Variants in GBX1 observed in about 807,000 individuals in gnomAD.
GBX1 encodes gastrulation brain homeobox 1, also known as homeobox protein GBX-1.
GBX1 carries 9 observed loss-of-function variants against 22.9 expected under a neutral mutation model. The observed-to-expected ratio is 0.39, with a 90% CI of 0.24 to 0.69. The LOEUF (loss-of-function observed/expected upper bound fraction) is 0.69, where lower values mean the gene tolerates loss of function less well. Ranked by LOEUF, GBX1 falls within the 30% of genes least tolerant of loss-of-function variation. The pLI is 0.43. For synonymous variants in GBX1, 203 were observed against 227.3 expected, an observed-to-expected ratio of 0.89 and a Z score of 0.96; for missense variants, 494 against 509.2, an observed-to-expected ratio of 0.97 and a Z score of 0.29.
Position 151,167,178 on chromosome 7 carries a change from G to A in GBX1, c.371C>T (p.Ala124Val). The A allele has an allele frequency of 6.3e-7, 1 of 1,578,236 alleles. No individual in the cohort carries two copies. Among genetic ancestry groups the A allele is most frequent in the African/African-American group, 1.4e-5 (1 of 72,806 alleles). The change falls in exon 1 of 2, where the codon GCC (alanine) becomes GTC (valine). Residue 124 changes from alanine to valine, a missense_variant. Around this residue, in one of 3 missense-constraint regions of GBX1, gnomAD observed 365 missense variants for 340.4 expected, o/e 1.07. Transcript: ENST00000297537. The surrounding 1 kb of genome is among the most constrained non-coding windows in gnomAD (Gnocchi z 5.9). ...AFYGPQELAAAAAAAAATAAR... is the reference protein window; with the variant it reads ...AFYGPQELAAVAAAAAATAAR... ...GGCAGTGGCGGCGGCGGCGGCAGCG[G>A]CGGCGGCGAGCTCCTGGGGCCCGTA... is the stretch of plus-strand genomic sequence containing the variant.
chr7:151,148,505 G>T lies in GBX1; in HGVS notation c.*84C>A. 1 of 1,308,590 alleles carries T rather than the reference G, an allele frequency of 7.6e-7. No homozygotes were observed. Among genetic ancestry groups the T allele is most frequent in the South Asian group, 1.5e-5 (1 of 68,956 alleles). The allele number at this position is 1,308,590 out of a possible 1,614,324, so 81.1% of individuals were successfully genotyped here. ...CTCTCAAGGCAGAATCACAGTTGCA[G>T]CCCCTCTGGTCCACAGAACCCTGAC... On this transcript the variant is annotated 3_prime_UTR_variant, in exon 2 of 2. Transcript: ENST00000297537. The surrounding 1 kb of genome is among the most constrained non-coding windows in gnomAD (Gnocchi z 5.1).
At chr7:151,161,459 G>T (rs913521735) in intron 1 of GBX1, among the ~76,000 whole-genome samples, 2 of 152,032 alleles carry the variant, frequency 1.3e-5, no homozygotes, top group African/African-American at 2.4e-5. Flanking sequence ...GATCCAGGGG[G>T]TTCTTCACCC....
At chr7:151,157,881 A>G (rs1205022894) in intron 1 of GBX1, among the ~76,000 whole-genome samples, 1 of 152,198 alleles carries the variant, frequency 6.6e-6, no homozygotes, top group East Asian at 1.9e-4. Context: ...GAATCCACTC[A>G]GGTCCTATAA....
At chr7:151,162,064 AGGT>A (rs1354131778) in intron 1 of GBX1, among the ~76,000 whole-genome samples, 1 of 152,270 alleles carries the variant, frequency 6.6e-6, no homozygotes, top group East Asian at 1.9e-4. Flanking sequence ...TGAGTGACAA[AGGT>A]GAGAATTGAA....
intron 1 of GBX1, among the ~76,000 whole-genome samples, chr7:151,158,405 T>C (rs1423198980): frequency 6.6e-6 from 1 of 152,118 alleles, no homozygotes; most frequent in Non-Finnish European, 1.5e-5. Context: ...ATGAAACATA[T>C]GAGGGAACAG....
intron 1 of GBX1, among the ~76,000 whole-genome samples, chr7:151,160,919 T>G (rs1801182433): frequency 6.6e-6 from 1 of 152,182 alleles, no homozygotes; most frequent in African/African-American, 2.4e-5. Flanking sequence ...GACACAAAGT[T>G]TCTTTCCTAC....
intron 1 of GBX1, chr7:151,149,866 G>A (rs1015687592): frequency 2.2e-6 from 1 of 453,420 alleles, no homozygotes; most frequent in African/African-American, 2.0e-5. Flanking sequence ...TAGGCCTCCT[G>A]ATCCCCTTTC....
intron 1 of GBX1, among the ~76,000 whole-genome samples, chr7:151,159,409 G>T (rs1801169065): frequency 6.6e-6 from 1 of 152,052 alleles, no homozygotes; most frequent in African/African-American, 2.4e-5. Context: ...ACAAGGTCTT[G>T]CTCTGTTGTG....
chr7:151,167,161 C>G lies in GBX1; in HGVS notation c.388G>C (p.Ala130Pro). ...ELAAAAAAAAATAARNNPEPG... is the reference protein window; with the variant it reads ...ELAAAAAAAAPTAARNNPEPG... The stretch of plus-strand genomic sequence containing the variant: ...TCGGGGTTGTTTCGGGCGGCAGTGG[C>G]GGCGGCGGCGGCAGCGGCGGCGGCG... The change falls in exon 1 of 2, where the codon GCC becomes CCC. Residue 130 changes from alanine (A) to proline (P), a missense_variant. Around this residue, in one of 3 missense-constraint regions of GBX1, gnomAD observed 365 missense variants for 340.4 expected, o/e 1.07. Transcript: ENST00000297537. This position sits in a 1 kb window ranked among gnomAD's most constrained non-coding sequence, Gnocchi z 5.9. 1 of 1,546,800 alleles carries G rather than the reference C, an allele frequency of 6.5e-7. No individual in the cohort carries two copies. Among genetic ancestry groups the G allele is most frequent in the Non-Finnish European group, 8.8e-7 (1 of 1,141,242 alleles).
Position 151,167,356 on chromosome 7 carries a change from G to C in GBX1, c.193C>G (p.Pro65Ala). 6.6e-7 allele frequency: 1 copy of C among 1,509,722 alleles called. No individual in the cohort carries two copies. The highest frequency in any genetic ancestry group is 8.8e-7 in the Non-Finnish European group (1 of 1,131,828). The allele number at this position is 1,509,722 out of a possible 1,614,324, so 93.5% of individuals were successfully genotyped here. ...LVLPQALAPA[P>A]LPAGLPPLAP... The stretch of plus-strand genomic sequence containing the variant: ...AGGGGCGGGAGGCCAGCGGGCAGCG[G>C]CGCAGGGGCCAGCGCCTGCGGCAGC... The change falls in exon 1 of 2, where the codon CCG becomes GCG. Residue 65 changes from proline to alanine, a missense_variant. Pro to Ala is a conservative substitution (Grantham distance 27, BLOSUM62 -1). This residue lies in a region of GBX1 where 365 missense variants were observed against 340.4 expected (regional missense o/e 1.07). Coordinates refer to ENST00000297537, the MANE Select transcript of GBX1 (RefSeq NM_001098834.3). This position sits in a 1 kb window ranked among gnomAD's most constrained non-coding sequence, Gnocchi z 5.9.
chr7:151,152,588 C>T (rs960698243), intron 1 of GBX1, among the ~76,000 whole-genome samples: 1 of 152,212 alleles, frequency 6.6e-6, no homozygotes, highest in Non-Finnish European at 1.5e-5. Flanking sequence ...AAGGCAGAAA[C>T]TAGACTTCGA....
In GBX1 at chr7:151,149,052, C is replaced by T. The variant is rs1439008522; in HGVS notation, c.629G>A (p.Gly210Asp). 2.5e-6 allele frequency: 4 copies of T among 1,613,784 alleles called. No homozygotes were observed. Among genetic ancestry groups the T allele is most frequent in the Non-Finnish European group, 3.4e-6 (4 of 1,180,046 alleles). ...AGSEQEEEGSGGDSEDDGFLD... is the reference protein window; with the variant it reads ...AGSEQEEEGSDGDSEDDGFLD... ...GAAACCGTCATCCTCGCTGTCACCG[C>T]CTGAGCCCTCTTCCTCCTGTTCGCT... The change falls in exon 2 of 2, where the codon GGC becomes GAC. Residue 210 changes from glycine (G) to aspartate (D), a missense_variant. This residue lies in a region of GBX1 where 365 missense variants were observed against 340.4 expected (regional missense o/e 1.07). Coordinates refer to ENST00000297537, the MANE Select transcript of GBX1 (RefSeq NM_001098834.3).
At chr7:151,158,138 C>T (rs1190396309) in intron 1 of GBX1, among the ~76,000 whole-genome samples, 1 of 152,226 alleles carries the variant, frequency 6.6e-6, no homozygotes, top group African/African-American at 2.4e-5. Flanking sequence ...TCACTACCAA[C>T]CCGAAGAGTT....
chr7:151,164,931 TTTTA>T (rs1801232917), intron 1 of GBX1, among the ~76,000 whole-genome samples: 1 of 151,870 alleles, frequency 6.6e-6, no homozygotes, highest in Non-Finnish European at 1.5e-5. Flanking sequence ...CCCCTAGTAT[TTTTA>T]TTTAGTTCCC....
In GBX1 at chr7:151,148,576, C is replaced by A. The variant is rs751823436; in HGVS notation, c.*13G>T. ...TACAGATCCCTCGCCTTCCTAAGTTCTTGGGTGCCCATTCAGGGCCGGGCC... is the reference window on the plus strand; with the variant it reads ...TACAGATCCCTCGCCTTCCTAAGTTATTGGGTGCCCATTCAGGGCCGGGCC... On this transcript the variant is annotated 3_prime_UTR_variant, in exon 2 of 2. Coordinates refer to ENST00000297537, the MANE Select transcript of GBX1 (RefSeq NM_001098834.3). The surrounding 1 kb of genome is among the most constrained non-coding windows in gnomAD (Gnocchi z 5.1). 127 of 1,610,416 alleles carry A rather than the reference C, an allele frequency of 7.9e-5. 3 individuals carry two copies. In the South Asian group the frequency reaches 1.3e-3, roughly 17 times the overall value.
At chr7:151,164,774 CTCTT>C in intron 1 of GBX1, among the ~76,000 whole-genome samples, 1 of 51,086 alleles carries the variant, frequency 2.0e-5, no homozygotes, top group African/African-American at 9.4e-5. Flanking sequence ...ACAAATTTCC[CTCTT>C]TTTTTTTTTT....
At chr7:151,163,518 G>A (rs1015848342) in intron 1 of GBX1, among the ~76,000 whole-genome samples, 1 of 152,168 alleles carries the variant, frequency 6.6e-6, no homozygotes, top group African/African-American at 2.4e-5. Flanking sequence ...ATGGAGATGT[G>A]CTGGAAGTGT....
intron 1 of GBX1, among the ~76,000 whole-genome samples, chr7:151,159,628 C>T (rs1357942901): frequency 6.6e-6 from 1 of 152,152 alleles, no homozygotes; most frequent in Admixed American, 6.6e-5. Context: ...TGATCCACCT[C>T]GGCCTCCGAA....
At chr7:151,149,635 CAGA>C (rs2150547089) in intron 1 of GBX1, 3 of 281,530 alleles carry the variant, frequency 1.1e-5, no homozygotes, top group South Asian at 6.5e-5. Context: ...TGAAGCAATG[CAGA>C]AGAACTGACC....
Sources: gnomAD v4.1 joint callset for allele counts (sites outside exome capture counted in the v4.1 genomes callset) on GRCh38, gnomAD v4.1.1 for gene constraint, gnomAD v4.1.1 regional missense constraint, Gnocchi (gnomAD v3.1) non-coding constraint, MANE v1.5 for transcripts, NCBI Gene and HGNC (gene_info 2026-07-23, HGNC 2026-07-21) for gene names.